IQGAP1: variants seen among roughly 807,000 people sequenced by gnomAD.
IQGAP1 encodes the protein IQ motif containing GTPase activating protein 1, also known as ras GTPase-activating-like protein IQGAP1.
A neutral mutation model predicts 215.6 loss-of-function variants in IQGAP1; 66 were observed. The observed-to-expected ratio is 0.31, with a 90% CI of 0.25 to 0.38. The LOEUF is 0.38. Ranked by LOEUF, IQGAP1 falls within the 10% of genes least tolerant of loss-of-function variation. The pLI is 1.00. For missense variants in IQGAP1, 1,712 were observed against 1,997.1 expected, an observed-to-expected ratio of 0.86 and a Z score of 2.72; for synonymous variants, 772 against 728.7, an observed-to-expected ratio of 1.06 and a Z score of -0.96.
At chr15:90,494,878 A>G (rs998265952) in intron 36 of IQGAP1, 43 bp downstream of exon 36, 1 of 1,439,826 alleles carries the variant, frequency 6.9e-7, no homozygotes, top group Non-Finnish European at 9.6e-7. Flanking sequence ...TTTTATTTCT[A>G]CATTTATCAC....
In IQGAP1 at chr15:90,476,713, G is replaced by A. The variant is rs758151205; in HGVS notation, c.2835G>A (p.Leu945=). The A allele has an allele frequency of 7.5e-6, 12 of 1,601,602 alleles. No individual in the cohort carries two copies. The East Asian group carries it at 2.7e-4, about 36-fold the overall frequency. The stretch of plus-strand genomic sequence containing the variant: ...TTACCAAAAAAAATAAGGAACAGTT[G>A]TCTGATATGATGATGATAAATAAAC... ...KKLTKKNKEQ[L]SDMMMINKQK... is the part of the protein sequence containing the mutation. Residue 945 remains leucine (L), a synonymous_variant, in exon 24 of 38, where the codon TTG becomes TTA. Transcript: ENST00000268182.
At chr15:90,462,802 T>C (rs1965781853) in intron 15 of IQGAP1, among the ~76,000 whole-genome samples, 1 of 152,164 alleles carries the variant, frequency 6.6e-6, no homozygotes, top group Non-Finnish European at 1.5e-5. Context: ...CTTTACCTCT[T>C]CTGAAATGCA....
chr15:90,487,325 T>G (rs1966140462), intron 32 of IQGAP1, 170 bp from the exon 33 acceptor site: 1 of 659,292 alleles, frequency 1.5e-6, no homozygotes. Context: ...TACCTACTTA[T>G]GGAATGGCTG....
chr15:90,456,845 G>A (rs756526899), intron 15 of IQGAP1, among the ~76,000 whole-genome samples: 1 of 150,026 alleles, frequency 6.7e-6, no homozygotes, highest in Non-Finnish European at 1.5e-5. Flanking sequence ...CCGAGATTGC[G>A]CCACTGCACT....
At chr15:90,394,185 C>A (rs1164065812) in intron 2 of IQGAP1, among the ~76,000 whole-genome samples, 2 of 110,362 alleles carry the variant, frequency 1.8e-5, no homozygotes, top group East Asian at 2.9e-4. Flanking sequence ...TGATGATCTT[C>A]AGGTTTTTTT....
intron 24 of IQGAP1, 97 bp from the exon 25 acceptor site, chr15:90,476,970 C>T: frequency 7.3e-7 from 1 of 1,361,906 alleles, no homozygotes; most frequent in Admixed American, 2.1e-5. Flanking sequence ...AATCTTTTTT[C>T]TCATATGTAT....
At position 90,456,286 on chromosome 15, in the gene IQGAP1, C is replaced by T; in HGVS notation, c.1747C>T (p.Leu583=). ...AEVAQHYQDT[L]IRAKREKAQE... ...AGTGGCCCAGCATTACCAAGACACG[C>T]TGATTAGAGCGAAGAGAGAGAAAGC... Residue 583 remains leucine, a synonymous_variant, in exon 15 of 38, where the codon CTG becomes TTG. Transcript: ENST00000268182. 6.2e-7 allele frequency: 1 copy of T among 1,614,008 alleles called. No individual in the cohort carries two copies. Among genetic ancestry groups the T allele is most frequent in the Non-Finnish European group, 8.5e-7 (1 of 1,179,950 alleles).
At chr15:90,473,063 A>G (rs1965927927) in intron 19 of IQGAP1, 53 bp downstream of exon 19, 1 of 1,530,954 alleles carries the variant, frequency 6.5e-7, no homozygotes, top group Non-Finnish European at 9.0e-7. Flanking sequence ...AGCAGGGGTA[A>G]TAAACGGTCA....
chr15:90,478,215 T>G (rs1029267905), intron 26 of IQGAP1, among the ~76,000 whole-genome samples: 4 of 152,170 alleles, frequency 2.6e-5, no homozygotes, highest in African/African-American at 4.8e-5. Flanking sequence ...GGTCTCGAAC[T>G]CCTGACCTCA....
chr15:90,419,738 C>G (rs929915857), intron 2 of IQGAP1, among the ~76,000 whole-genome samples: 1 of 152,122 alleles, frequency 6.6e-6, no homozygotes, highest in Non-Finnish European at 1.5e-5. Flanking sequence ...CGGGGAAAAA[C>G]GAGTCTCTGT....
At position 90,400,878 on chromosome 15, in the gene IQGAP1, G is replaced by T. The variant is rs150013030; in HGVS notation, c.155+10005G>T. Among the ~76,000 whole-genome samples, 17 of 152,278 alleles carry T rather than the reference G, an allele frequency of 1.1e-4. No individual in the cohort carries two copies. In the East Asian group the frequency reaches 2.3e-3, roughly 21 times the overall value. On this transcript the variant is annotated intron_variant, in intron 2 of 37. Transcript: ENST00000268182. ...TTCTGCTTCACAGTGTCACATCTGG[G>T]GATACCAGTTGGTAGTGGAACCTGT...
chr15:90,462,000 G>GAA (rs1555439593), intron 15 of IQGAP1, among the ~76,000 whole-genome samples: 2 of 11,544 alleles, frequency 1.7e-4, no homozygotes, highest in African/African-American at 2.3e-4. Context: ...AAAAAAAAAA[G>GAA]AAAAAAAAAA....
rs1386181905 is a variant in IQGAP1, at chr15:90,422,640, GTATATGTATATATA to G, written c.156-3450_156-3437del. On this transcript the variant is annotated intron_variant, in intron 2 of 37. Transcript: ENST00000268182. ...TATATATATATGTATATATATATAT[GTATATGTATATATA>G]TATATGTATATATATATATATATAT... Among the ~76,000 whole-genome samples, 189 of 61,560 alleles carry G rather than the reference GTATATGTATATATA, an allele frequency of 3.1e-3. 3 individuals carry two copies. The highest frequency in any genetic ancestry group is 7.7e-3 in the Middle Eastern group (1 of 130). 40.4% of individuals were successfully genotyped at this position (61,560 alleles called of 152,430 possible). A position where few individuals can be genotyped will look rare whatever the true frequency, so the allele number is the denominator to read the frequency against.
intron 36 of IQGAP1, among the ~76,000 whole-genome samples, chr15:90,495,780 G>T (rs1330950699): frequency 6.7e-6 from 1 of 149,752 alleles, no homozygotes; most frequent in Non-Finnish European, 1.5e-5. Flanking sequence ...TGGGACTACA[G>T]GCATGCACCA....
chr15:90,418,473 A>G (rs528452886), intron 2 of IQGAP1, among the ~76,000 whole-genome samples: 1 of 151,992 alleles, frequency 6.6e-6, no homozygotes, highest in South Asian at 2.1e-4. Context: ...CTGTGGTCCC[A>G]GCTACTCAGG....
intron 1 of IQGAP1, among the ~76,000 whole-genome samples, chr15:90,389,657 A>G (rs1964606337): frequency 6.6e-6 from 1 of 151,950 alleles, no homozygotes; most frequent in African/African-American, 2.4e-5. Context: ...AATGCTGTGT[A>G]GAAAGTTTGA....
chr15:90,433,656 T>A, intron 4 of IQGAP1, 63 bp from the exon 5 acceptor site: 4 of 969,668 alleles, frequency 4.1e-6, no homozygotes, highest in Non-Finnish European at 6.5e-6. Flanking sequence ...TATTGATGAT[T>A]GGTGAATGTC....
In IQGAP1 at chr15:90,453,118, C is replaced by T. The variant is rs1357634146; in HGVS notation, c.1327-14C>T. The T allele has an allele frequency of 1.3e-6, 2 of 1,598,130 alleles. No individual in the cohort carries two copies. The highest frequency in any genetic ancestry group is 1.7e-6 in the Non-Finnish European group (2 of 1,173,120). On this transcript the variant is annotated splice_polypyrimidine_tract_variant and intron_variant, in intron 12 of 37. Coordinates refer to ENST00000268182, the MANE Select transcript of IQGAP1 (RefSeq NM_003870.4). ...CTTTCCTCACTGTTTTCCCTTCTGTCCCTTTCTGTACAGCATAATCTCACC... is the reference window on the plus strand; with the variant it reads ...CTTTCCTCACTGTTTTCCCTTCTGTTCCTTTCTGTACAGCATAATCTCACC...
chr15:90,436,156 A>G (rs994698426), intron 5 of IQGAP1, among the ~76,000 whole-genome samples: 1 of 151,320 alleles, frequency 6.6e-6, no homozygotes, highest in African/African-American at 2.4e-5. Context: ...TGTAGATAAC[A>G]TTCCACTCTC....
Sources: allele counts gnomAD v4.1 joint callset (sites outside exome capture counted in the v4.1 genomes callset), GRCh38; gene constraint gnomAD v4.1.1; transcripts MANE v1.5; gene names NCBI Gene and HGNC (gene_info 2026-07-23, HGNC 2026-07-21).